Variants in TSPAN2 observed in about 807,000 individuals in gnomAD.
The protein encoded by TSPAN2 is tetraspanin-2.
In TSPAN2, 24 loss-of-function variants were observed where a neutral mutation model predicts 33.3. That is an observed-to-expected ratio of 0.72 (90% confidence interval 0.52 to 1.01). The LOEUF (loss-of-function observed/expected upper bound fraction) is 1.01. TSPAN2 is among the 50% of genes least tolerant of loss of function. TSPAN2 has a pLI of 0.00. For missense variants in TSPAN2, 278 were observed against 281.3 expected (o/e 0.99, Z 0.08); for synonymous variants, 114 against 104.5 (o/e 1.09, Z -0.56).
At chr1:115,057,077 C>T (rs1461480239) in intron 6 of TSPAN2, among the ~76,000 whole-genome samples, 12 of 152,222 alleles carry the variant, frequency 7.9e-5, no homozygotes, top group Non-Finnish European at 1.8e-4. Context: ...TCAGACCTCT[C>T]TCCTGAGCCA....
chr1:115,078,640 C>A (rs1040229347), intron 1 of TSPAN2, among the ~76,000 whole-genome samples: 4 of 152,148 alleles, frequency 2.6e-5, no homozygotes, highest in African/African-American at 9.7e-5. Flanking sequence ...CACAAGCCCT[C>A]ACCAGGGAGC....
At position 115,053,369 on chromosome 1, in the gene TSPAN2, ACTTT is replaced by A. The variant is rs776881826; in HGVS notation, c.600+6_600+9del. On this transcript the variant is annotated splice_donor_region_variant and intron_variant, in intron 7 of 7. Coordinates refer to ENST00000369516, the MANE Select transcript of TSPAN2 (RefSeq NM_005725.6). ...GAGGGCAAAAAGGGTAAGTTCTAGA[ACTTT>A]CTCACCGTCAGACCTGCAATTCCAA... 2.3e-5 allele frequency: 37 copies of A among 1,613,416 alleles called. No homozygotes were observed. The highest frequency in any genetic ancestry group is 3.1e-5 in the Non-Finnish European group (37 of 1,179,526).
At position 115,060,498 on chromosome 1, in the gene TSPAN2, G is replaced by A. The variant is rs762219220; in HGVS notation, c.311C>T (p.Thr104Ile). ...CLLVIFAAEV[T>I]TGVFAFIGKG... ...GCCTATAAAAGCAAATACTCCAGTG[G>A]TTACTTCAGCAGCAAATATCACCAG... Residue 104 changes from threonine (T) to isoleucine (I), a missense_variant, in exon 4 of 8, where the codon ACC (threonine) becomes ATC (isoleucine). Physicochemically the swap from Thr to Ile is moderately conservative, Grantham distance 89. Coordinates refer to ENST00000369516, the MANE Select transcript of TSPAN2 (RefSeq NM_005725.6). 1 of 1,613,434 alleles carries A rather than the reference G, an allele frequency of 6.2e-7. No individual in the cohort carries two copies. Among genetic ancestry groups the A allele is most frequent in the African/African-American group, 1.3e-5 (1 of 74,908 alleles).
At chr1:115,080,194 T>C (rs1233914640) in intron 1 of TSPAN2, among the ~76,000 whole-genome samples, 3 of 152,184 alleles carry the variant, frequency 2.0e-5, no homozygotes, top group African/African-American at 7.2e-5. Flanking sequence ...TGATTATACA[T>C]AATGTCTTTT....
chr1:115,059,303 A>G (rs2101026997), intron 4 of TSPAN2, among the ~76,000 whole-genome samples: 1 of 152,240 alleles, frequency 6.6e-6, no homozygotes, highest in South Asian at 2.1e-4. Context: ...CTGCCTTTCC[A>G]TAGGTATTTT....
chr1:115,060,012 G>T (rs1647651116), intron 4 of TSPAN2, among the ~76,000 whole-genome samples: 1 of 152,110 alleles, frequency 6.6e-6, no homozygotes, highest in African/African-American at 2.4e-5. Flanking sequence ...GAGTTGGGCA[G>T]CAAATATAAA....
At chr1:115,076,709 T>G (rs923645680) in intron 1 of TSPAN2, among the ~76,000 whole-genome samples, 1 of 152,214 alleles carries the variant, frequency 6.6e-6, no homozygotes, top group Non-Finnish European at 1.5e-5. Flanking sequence ...TGTTAATCCT[T>G]TAAAATACAC....
intron 1 of TSPAN2, among the ~76,000 whole-genome samples, chr1:115,079,170 C>T (rs1421358232): frequency 6.8e-5 from 8 of 118,386 alleles, no homozygotes; most frequent in Admixed American, 3.5e-4. Flanking sequence ...CACACACACG[C>T]GCATGCTGCA....
rs1402102642 is a variant in TSPAN2 at position 115,065,516 on chromosome 1, C to A, written c.173-3284G>T. 2.0e-5 allele frequency among the ~76,000 whole-genome samples: 3 copies of A among 152,124 alleles called. 1 individual carries two copies. Among genetic ancestry groups the A allele is most frequent in the South Asian group, 4.1e-4 (2 of 4,824 alleles). On this transcript the variant is annotated intron_variant, in intron 2 of 7. Transcript: ENST00000369516. ...TTACATTTTCATCATGAATAGCTGG[C>A]CTTTGGGATGCCAGTGATCTCTGTG...
intron 7 of TSPAN2, among the ~76,000 whole-genome samples, chr1:115,052,831 T>C (rs1394467464): frequency 6.6e-6 from 1 of 152,212 alleles, no homozygotes; most frequent in African/African-American, 2.4e-5. Context: ...GTATATGTAG[T>C]ATCCCATTTA....
chr1:115,068,648 C>T (rs572634158), intron 2 of TSPAN2, among the ~76,000 whole-genome samples: 1 of 152,306 alleles, frequency 6.6e-6, no homozygotes, highest in African/African-American at 2.4e-5. Flanking sequence ...TGTTTGTTTC[C>T]TAAAGTGCTA....
chr1:115,072,392 AT>A (rs1319671127), intron 2 of TSPAN2, among the ~76,000 whole-genome samples: 1 of 152,054 alleles, frequency 6.6e-6, no homozygotes, highest in East Asian at 1.9e-4. Flanking sequence ...AGAGACTGAG[AT>A]TAGCACCTTC....
At chr1:115,055,005 A>G (rs1265990875) in intron 6 of TSPAN2, among the ~76,000 whole-genome samples, 1 of 151,990 alleles carries the variant, frequency 6.6e-6, no homozygotes, top group Non-Finnish European at 1.5e-5. Context: ...TAAATAAATA[A>G]ATAATAATAA....
At chr1:115,073,083 C>T in intron 1 of TSPAN2, 76 bp from the exon 2 acceptor site, 1 of 1,272,902 alleles carries the variant, frequency 7.9e-7, no homozygotes, top group Non-Finnish European at 1.1e-6. Context: ...GCTCTAGGCA[C>T]AGGATGCTGA....
intron 1 of TSPAN2, among the ~76,000 whole-genome samples, chr1:115,088,067 C>A (rs1216422104): frequency 3.3e-5 from 5 of 152,190 alleles, no homozygotes; most frequent in African/African-American, 9.7e-5. Flanking sequence ...AAACGCCTCT[C>A]CCTATAGTAT....
At chr1:115,068,288 GA>G (rs1273272523) in intron 2 of TSPAN2, among the ~76,000 whole-genome samples, 1 of 152,306 alleles carries the variant, frequency 6.6e-6, no homozygotes, top group East Asian at 1.9e-4. Context: ...CACAGGAAGG[GA>G]AACTCGCTCC....
chr1:115,053,339 T>C (rs767760581), intron 7 of TSPAN2, 40 bp downstream of exon 7: 16 of 1,585,062 alleles, frequency 1.0e-5, no homozygotes, highest in African/African-American at 1.3e-5. Flanking sequence ...TTTCAAGGCT[T>C]TTTAGAGGGC....
chr1:115,082,822 G>A (rs570361673), intron 1 of TSPAN2, among the ~76,000 whole-genome samples: 6 of 152,224 alleles, frequency 3.9e-5, no homozygotes, highest in Admixed American at 2.6e-4. Context: ...TATTCTACAC[G>A]TTCCAATAAA....
chr1:115,089,413 C>T lies in TSPAN2; in HGVS notation c.20G>A (p.Gly7Asp). 2 of 1,587,450 alleles carry T rather than the reference C, an allele frequency of 1.3e-6. No homozygotes were observed. The highest frequency in any genetic ancestry group is 4.7e-5 in the East Asian group (2 of 42,710). The change falls in exon 1 of 8, where the codon GGC (glycine) becomes GAC (aspartate). Residue 7 changes from glycine (G) to aspartate (D), a missense_variant. Coordinates refer to ENST00000369516, the MANE Select transcript of TSPAN2 (RefSeq NM_005725.6). Reference protein sequence around the residue: MGRFRGGLRCIKYLLLG... With the variant: MGRFRGDLRCIKYLLLG... ...CAGCAGGTACTTGATGCACCGCAGG[C>T]CCCCGCGGAAGCGCCCCATGCTGCG...
Sources: gnomAD v4.1 joint callset for allele counts (sites outside exome capture counted in the v4.1 genomes callset) on GRCh38, gnomAD v4.1.1 for gene constraint, MANE v1.5 for transcripts, NCBI Gene and HGNC (gene_info 2026-07-23, HGNC 2026-07-21) for gene names.